The following ANKUB1 variants were observed in gnomAD, a reference collection of about 807,000 sequenced individuals.
The protein encoded by ANKUB1 is ankyrin repeat and ubiquitin domain containing 1.
ANKUB1 carries 42 observed loss-of-function variants against 49.3 expected under a neutral mutation model. That is an observed-to-expected ratio of 0.85 (90% CI 0.67 to 1.10). The LOEUF (loss-of-function observed/expected upper bound fraction) is 1.10. ANKUB1 is among the 50% of genes least tolerant of loss of function. The pLI is 0.00. For missense variants in ANKUB1, 613 were observed against 642.0 expected (o/e 0.95, Z 0.49); for synonymous variants, 222 against 231.0 (o/e 0.96, Z 0.35).
chr3:149,771,734 A>G (rs543425752), intron 3 of ANKUB1, among the ~76,000 whole-genome samples: 11 of 152,212 alleles, frequency 7.2e-5, no homozygotes, highest in African/African-American at 2.6e-4. Flanking sequence ...CTCACTAAAT[A>G]CTTGATAGCT....
intron 3 of ANKUB1, among the ~76,000 whole-genome samples, chr3:149,773,427 G>A (rs185081332): frequency 9.9e-5 from 15 of 152,186 alleles, no homozygotes; most frequent in Non-Finnish European, 1.6e-4. Context: ...CTCATAACTC[G>A]GGCCTCAGCT....
At chr3:149,765,409 C>A (rs568015342) in intron 5 of ANKUB1, among the ~76,000 whole-genome samples, 62 of 152,152 alleles carry the variant, frequency 4.1e-4, no homozygotes, top group African/African-American at 1.5e-3. Context: ...CATAAAAATT[C>A]AACAAGCCAT....
At chr3:149,791,952 T>G (rs1718377311) in intron 1 of ANKUB1, among the ~76,000 whole-genome samples, 1 of 152,196 alleles carries the variant, frequency 6.6e-6, no homozygotes, top group African/African-American at 2.4e-5. Context: ...TAGCCTGAAG[T>G]TGGTGTCTTG....
chr3:149,766,757 C>T (rs1311530742), intron 5 of ANKUB1: 1 of 900,400 alleles, frequency 1.1e-6, no homozygotes. Context: ...GTGATAGCAC[C>T]ACTGCACTCC....
chr3:149,768,811 G>A lies in ANKUB1; in HGVS notation c.567-716C>T, dbSNP rs555087491. Among the ~76,000 whole-genome samples, 4 of 151,472 alleles carry A rather than the reference G, an allele frequency of 2.6e-5. No homozygotes were observed. The East Asian group carries it at 7.9e-4, about 30-fold the overall frequency. On this transcript the variant is annotated intron_variant, in intron 4 of 5. Transcript: ENST00000446160. ...GCCCACCTTGGCCTCCCAAAGTAAT[G>A]GGATTACAGGTGTGAACCACTGTGC...
At chr3:149,781,452 C>G (rs1717866354) in intron 2 of ANKUB1, among the ~76,000 whole-genome samples, 1 of 152,136 alleles carries the variant, frequency 6.6e-6, no homozygotes, top group Non-Finnish European at 1.5e-5. Context: ...TCTGCAACGG[C>G]CTGTTGTTGG....
intron 2 of ANKUB1, among the ~76,000 whole-genome samples, chr3:149,787,376 T>A (rs895857118): frequency 1.1e-4 from 17 of 152,196 alleles, no homozygotes; most frequent in Admixed American, 6.5e-5. Flanking sequence ...TCTCTGTCTG[T>A]TATAGGTGTA....
chr3:149,761,386 G>C lies in ANKUB1; in HGVS notation c.*98C>G. On this transcript the variant is annotated 3_prime_UTR_variant, in exon 6 of 6. Coordinates refer to ENST00000446160, the MANE Select transcript of ANKUB1 (RefSeq NM_001144960.3). ...TTATGTGGCATTATAACTGTTACTA[G>C]AGATGATAACATTAGAACTGTTATT... 2 of 1,346,430 alleles carry C rather than the reference G, an allele frequency of 1.5e-6. No individual in the cohort carries two copies. The highest frequency in any genetic ancestry group is 2.0e-6 in the Non-Finnish European group (2 of 993,390). The allele number at this position is 1,346,430 out of a possible 1,614,324, so 83.4% of individuals were successfully genotyped here. A position where few individuals can be genotyped will look rare whatever the true frequency, so the allele number is the denominator to read the frequency against.
At chr3:149,768,124 G>A in intron 4 of ANKUB1, 29 bp from the exon 5 acceptor site, 2 of 1,317,840 alleles carry the variant, frequency 1.5e-6, no homozygotes, top group Non-Finnish European at 2.0e-6. Flanking sequence ...TGGGGAGGGG[G>A]TGTTTAGAAA....
intron 3 of ANKUB1, among the ~76,000 whole-genome samples, chr3:149,772,309 T>C (rs1717402264): frequency 1.3e-5 from 2 of 152,152 alleles, no homozygotes; most frequent in South Asian, 4.1e-4. Flanking sequence ...GTGTGAGCCA[T>C]TGCGCCCGGC....
intron 1 of ANKUB1, among the ~76,000 whole-genome samples, chr3:149,791,534 G>C (rs985171924): frequency 6.6e-6 from 1 of 152,126 alleles, no homozygotes; most frequent in African/African-American, 2.4e-5. Context: ...AAACATAGAG[G>C]TTAAGATCCC....
chr3:149,769,234 A>C (rs946834427), intron 4 of ANKUB1, among the ~76,000 whole-genome samples: 2 of 152,202 alleles, frequency 1.3e-5, no homozygotes, highest in African/African-American at 4.8e-5. Flanking sequence ...AGATTAGTGC[A>C]ATTTATGTAT....
At chr3:149,785,825 G>A (rs1718075353) in intron 2 of ANKUB1, among the ~76,000 whole-genome samples, 1 of 152,092 alleles carries the variant, frequency 6.6e-6, no homozygotes, top group African/African-American at 2.4e-5. Context: ...AGATCCTTGA[G>A]GAATCTCCAT....
At position 149,767,292 on chromosome 3, in the gene ANKUB1, A is replaced by T; in HGVS notation, c.1370T>A (p.Val457Glu). Reference protein sequence around the residue: ...PQVPLPPVSRVGYSHPSFFYA... With the variant: ...PQVPLPPVSREGYSHPSFFYA... ...GAAAAACGATGGATGTGAATATCCC[A>T]CTCTTGAAACTGGAGGGAGGGGGAC... Residue 457 changes from valine (V) to glutamate (E), a missense_variant, in exon 5 of 6, where the codon GTG becomes GAG. Val to Glu is a moderately radical substitution (Grantham distance 121). Transcript: ENST00000446160. The T allele has an allele frequency of 6.4e-7, 1 of 1,551,290 alleles. No homozygotes were observed. The highest frequency in any genetic ancestry group is 8.7e-7 in the Non-Finnish European group (1 of 1,146,916).
chr3:149,788,785 T>C (rs532165937), intron 2 of ANKUB1, among the ~76,000 whole-genome samples: 3 of 152,296 alleles, frequency 2.0e-5, no homozygotes, highest in South Asian at 4.1e-4. Flanking sequence ...TCTTTTCTTT[T>C]TCTTTTTTTG....
intron 3 of ANKUB1, among the ~76,000 whole-genome samples, chr3:149,771,699 C>T (rs533222029): frequency 7.3e-4 from 111 of 152,122 alleles, no homozygotes; most frequent in Admixed American, 1.4e-3. Flanking sequence ...CACGACTTGC[C>T]GTATAGCCTG....
rs1716787514 is a variant in ANKUB1, at chr3:149,761,617, C to T, written c.1506-4G>A. 1 of 1,550,022 alleles carries T rather than the reference C, an allele frequency of 6.5e-7. No individual in the cohort carries two copies. The highest frequency in any genetic ancestry group is 1.4e-5 in the African/African-American group (1 of 72,948). ...CCATCGTTTCTCTTTAAAGGCACTG[C>T]AAGAAAACAAGATATAATTTGTAAG... On this transcript the variant is annotated splice_polypyrimidine_tract_variant and splice_region_variant and intron_variant, in intron 5 of 5. Transcript: ENST00000446160.
At chr3:149,792,221 G>A (rs1220730183) in intron 1 of ANKUB1, 56 bp downstream of exon 1, 2 of 1,255,732 alleles carry the variant, frequency 1.6e-6, no homozygotes, top group Non-Finnish European at 2.1e-6. Context: ...ATTTTTAAAT[G>A]CACTGCATTG....
intron 3 of ANKUB1, among the ~76,000 whole-genome samples, chr3:149,775,429 A>G (rs557233537): frequency 9.5e-4 from 144 of 152,306 alleles, no homozygotes; most frequent in African/African-American, 3.4e-3. Flanking sequence ...TAGCAGTGTA[A>G]TCTTGATCAG....
Sources: gnomAD v4.1 joint callset for allele counts (sites outside exome capture counted in the v4.1 genomes callset) on GRCh38, gnomAD v4.1.1 for gene constraint, MANE v1.5 for transcripts, NCBI Gene and HGNC (gene_info 2026-07-23, HGNC 2026-07-21) for gene names.